The following PTPRM variants were observed in gnomAD, a reference collection of about 807,000 sequenced individuals.
The protein encoded by PTPRM is protein tyrosine phosphatase receptor type M, also known as receptor-type tyrosine-protein phosphatase mu.
In PTPRM, 47 loss-of-function variants were observed where a neutral mutation model predicts 186.7. The observed-to-expected ratio is 0.25, with a 90% CI of 0.20 to 0.32. PTPRM has a LOEUF of 0.32. PTPRM is among the 10% of genes least tolerant of loss of function. PTPRM has a pLI of 1.00. For synonymous variants in PTPRM, 668 were observed against 674.9 expected, an observed-to-expected ratio of 0.99 and a Z score of 0.16; for missense variants, 1,494 against 1,865.0, an observed-to-expected ratio of 0.80 and a Z score of 3.66.
At chr18:7,937,299 C>T (rs1180217184) in intron 5 of PTPRM, among the ~76,000 whole-genome samples, 9 of 152,236 alleles carry the variant, frequency 5.9e-5, no homozygotes, top group Non-Finnish European at 1.3e-4. Context: ...GTGACACCCT[C>T]TTCGTGGCTC....
intron 1 of PTPRM, among the ~76,000 whole-genome samples, chr18:7,748,238 T>C (rs1211827926): frequency 6.6e-6 from 1 of 152,220 alleles, no homozygotes; most frequent in African/African-American, 2.4e-5. Flanking sequence ...GGCTAGAGTC[T>C]TTAAGGAAAG....
chr18:7,949,466 T>A, intron 6 of PTPRM, 111 bp downstream of exon 6: 1 of 894,594 alleles, frequency 1.1e-6, no homozygotes. Flanking sequence ...TTCTGAGCAG[T>A]GGTTTGATGA....
intron 22 of PTPRM, among the ~76,000 whole-genome samples, chr18:8,324,022 A>G (rs1359048180): frequency 6.6e-5 from 10 of 152,282 alleles, no homozygotes; most frequent in South Asian, 4.1e-4. Context: ...ATTAAAAGCT[A>G]TTTGGGGATA....
intron 29 of PTPRM, among the ~76,000 whole-genome samples, chr18:8,383,501 T>C (rs182554768): frequency 3.4e-4 from 51 of 152,102 alleles, no homozygotes; most frequent in Non-Finnish European, 1.5e-5. Flanking sequence ...TTTTGTGGGG[T>C]GCTGGCTAAT....
At chr18:7,683,258 T>G (rs917865666) in intron 1 of PTPRM, among the ~76,000 whole-genome samples, 3 of 150,786 alleles carry the variant, frequency 2.0e-5, no homozygotes, top group Non-Finnish European at 2.9e-5. Flanking sequence ...CTCGAACTCC[T>G]GGGCTCAAGC....
At chr18:8,286,312 C>T (rs1018968341) in intron 19 of PTPRM, among the ~76,000 whole-genome samples, 3 of 152,218 alleles carry the variant, frequency 2.0e-5, no homozygotes, top group African/African-American at 7.2e-5. Context: ...CCAAGACCTA[C>T]TGTAAGATGA....
At chr18:7,602,938 T>TATTATTATGATG (rs1248170089) in intron 1 of PTPRM, among the ~76,000 whole-genome samples, 1 of 143,750 alleles carries the variant, frequency 7.0e-6, no homozygotes, top group African/African-American at 2.6e-5. Context: ...TTATTATTAT[T>TATTATTATGATG]ATTATTTGAG....
At chr18:7,620,923 C>T (rs2037922193) in intron 1 of PTPRM, among the ~76,000 whole-genome samples, 1 of 152,110 alleles carries the variant, frequency 6.6e-6, no homozygotes, top group Non-Finnish European at 1.5e-5. Flanking sequence ...TGCAGTGGCT[C>T]ACACCTATAA....
intron 20 of PTPRM, among the ~76,000 whole-genome samples, chr18:8,310,941 G>A (rs1433465906): frequency 6.6e-6 from 1 of 152,180 alleles, no homozygotes; most frequent in Non-Finnish European, 1.5e-5. Context: ...AGATGGTTAG[G>A]AATGATTAGG....
intron 19 of PTPRM, among the ~76,000 whole-genome samples, chr18:8,285,218 G>C (rs139699830): frequency 6.6e-6 from 1 of 152,138 alleles, no homozygotes; most frequent in Non-Finnish European, 1.5e-5. Flanking sequence ...AAGCAATCCT[G>C]TTAAACAATT....
intron 2 of PTPRM, among the ~76,000 whole-genome samples, chr18:7,863,934 AT>A (rs1374106409): frequency 6.6e-6 from 1 of 152,098 alleles, no homozygotes; most frequent in African/African-American, 2.4e-5. Context: ...TTTGATTTGC[AT>A]TTCTCTAATG....
intron 2 of PTPRM, among the ~76,000 whole-genome samples, chr18:7,854,731 GTTT>G (rs10541123): frequency 0.034 from 4,824 of 141,920 alleles, 252 homozygotes; most frequent in African/African-American, 0.11. Flanking sequence ...AATGTTAGGA[GTTT>G]TTTTTTTTTT....
intron 32 of PTPRM, among the ~76,000 whole-genome samples, chr18:8,400,280 G>A (rs374395211): frequency 1.3e-5 from 2 of 152,232 alleles, no homozygotes; most frequent in African/African-American, 2.4e-5. Context: ...AGACTGATTC[G>A]ATTGGTCAGG....
chr18:8,144,933 A>T, intron 14 of PTPRM, among the ~76,000 whole-genome samples: 1 of 152,082 alleles, frequency 6.6e-6, no homozygotes, highest in East Asian at 1.9e-4. Context: ...AAAGGTGGAG[A>T]GGTTGGCAGA....
chr18:8,360,316 C>G (rs1450344512), intron 23 of PTPRM, among the ~76,000 whole-genome samples: 1 of 152,160 alleles, frequency 6.6e-6, no homozygotes, highest in Non-Finnish European at 1.5e-5. Flanking sequence ...GCATAAGCTA[C>G]CACTCCCTGT....
intron 14 of PTPRM, among the ~76,000 whole-genome samples, chr18:8,242,324 C>A (rs1389290731): frequency 6.6e-6 from 1 of 152,162 alleles, no homozygotes; most frequent in East Asian, 1.9e-4. Flanking sequence ...GGAGACCTGG[C>A]CTGAGAATGT....
chr18:8,303,125 C>A (rs2095178471), intron 20 of PTPRM, among the ~76,000 whole-genome samples: 2 of 152,110 alleles, frequency 1.3e-5, no homozygotes, highest in African/African-American at 2.4e-5. Context: ...GCTAAAGGGG[C>A]TTTAATAATG....
chr18:7,917,130 T>C lies in PTPRM; in HGVS notation c.548-9438T>C, dbSNP rs1234834196. ...AAATGACAAGGTACTTTTGAAAAGGTGGTGAAAAAGCTCCTTCATACCCTG... is the reference window on the plus strand; with the variant it reads ...AAATGACAAGGTACTTTTGAAAAGGCGGTGAAAAAGCTCCTTCATACCCTG... On this transcript the variant is annotated intron_variant, in intron 4 of 32. Transcript: ENST00000580170. 2.0e-5 allele frequency among the ~76,000 whole-genome samples: 3 copies of C among 152,214 alleles called. No homozygotes were observed. The East Asian group carries it at 5.8e-4, about 29-fold the overall frequency.
intron 1 of PTPRM, among the ~76,000 whole-genome samples, chr18:7,667,524 A>G (rs2039123434): frequency 6.6e-6 from 1 of 152,266 alleles, no homozygotes; most frequent in Admixed American, 6.5e-5. Flanking sequence ...GCCAGAAAGC[A>G]ATGTATGGTT....
Sources: allele counts gnomAD v4.1 joint callset (sites outside exome capture counted in the v4.1 genomes callset), GRCh38; gene constraint gnomAD v4.1.1; transcripts MANE v1.5; gene names NCBI Gene and HGNC (gene_info 2026-07-23, HGNC 2026-07-21).